Variants in DENND5B observed in about 807,000 individuals in gnomAD.
DENND5B encodes the protein DENN domain containing 5B.
Under a neutral mutation model 140.6 loss-of-function variants are expected in DENND5B, and 34 were observed. The ratio of observed to expected loss-of-function variants is 0.24; its 90% CI spans 0.18 to 0.32. The LOEUF is 0.32. DENND5B is among the 10% of genes least tolerant of loss of function. DENND5B has a pLI of 1.00. For synonymous variants in DENND5B, 551 were observed against 562.1 expected, an observed-to-expected ratio of 0.98 and a Z score of 0.28; for missense variants, 1,142 against 1,560.2, an observed-to-expected ratio of 0.73 and a Z score of 4.52.
chr12:31,501,108 C>T (rs1446904015), intron 1 of DENND5B, among the ~76,000 whole-genome samples: 7 of 152,180 alleles, frequency 4.6e-5, no homozygotes, highest in Non-Finnish European at 1.0e-4. Flanking sequence ...TATGTCCTCA[C>T]CCAAATCTCA....
intron 8 of DENND5B, among the ~76,000 whole-genome samples, chr12:31,427,562 CG>C (rs1240169757): frequency 1.3e-5 from 2 of 150,168 alleles, no homozygotes; most frequent in African/African-American, 4.9e-5. Context: ...GTGGAGATGG[CG>C]TCACTGCACT....
chr12:31,401,022 T>C (rs930381894), intron 15 of DENND5B, among the ~76,000 whole-genome samples: 6 of 152,048 alleles, frequency 3.9e-5, no homozygotes, highest in African/African-American at 1.4e-4. Flanking sequence ...TTTGTGTTTT[T>C]AGTAGAGAGG....
At chr12:31,525,949 C>T (rs1173132352) in intron 1 of DENND5B, among the ~76,000 whole-genome samples, 1 of 152,164 alleles carries the variant, frequency 6.6e-6, no homozygotes, top group African/African-American at 2.4e-5. Context: ...GCTGAGATTG[C>T]ACCATTGCAC....
At chr12:31,408,512 A>T (rs1280780497) in intron 14 of DENND5B, among the ~76,000 whole-genome samples, 3 of 149,554 alleles carry the variant, frequency 2.0e-5, no homozygotes, top group Admixed American at 1.4e-4. Flanking sequence ...CTGTAATTCC[A>T]GCTACTCAGG....
At chr12:31,514,252 C>CA (rs1947533540) in intron 1 of DENND5B, among the ~76,000 whole-genome samples, 1 of 152,146 alleles carries the variant, frequency 6.6e-6, no homozygotes, top group African/African-American at 2.4e-5. Context: ...ATAAGAGCAA[C>CA]AGGCTGTATC....
At chr12:31,469,201 G>GC (rs1425262221) in intron 3 of DENND5B, among the ~76,000 whole-genome samples, 2 of 151,910 alleles carry the variant, frequency 1.3e-5, no homozygotes, top group Non-Finnish European at 2.9e-5. Flanking sequence ...AGCTGTGGTG[G>GC]CATGTGCCTG....
chr12:31,432,143 TC>T, intron 8 of DENND5B: 1 of 984,342 alleles, frequency 1.0e-6, no homozygotes, highest in Non-Finnish European at 1.2e-6. Context: ...GACCAAAAGT[TC>T]CCCGGAAGGC....
intron 6 of DENND5B, among the ~76,000 whole-genome samples, chr12:31,446,908 A>G (rs1944301352): frequency 6.6e-6 from 1 of 151,388 alleles, no homozygotes; most frequent in African/African-American, 2.4e-5. Flanking sequence ...AAAGAAAAAG[A>G]AAAAGAAAAA....
At chr12:31,416,474 A>G (rs1361376096) in intron 11 of DENND5B, among the ~76,000 whole-genome samples, 1 of 151,396 alleles carries the variant, frequency 6.6e-6, no homozygotes, top group Non-Finnish European at 1.5e-5. Flanking sequence ...CATGTTGGCC[A>G]GCTGGTCTCG....
intron 1 of DENND5B, among the ~76,000 whole-genome samples, chr12:31,550,278 T>C (rs11051457): frequency 0.078 from 10,870 of 139,526 alleles, 939 homozygotes; most frequent in African/African-American, 0.22. Context: ...TGTGTTCTCA[T>C]TGTTCAATTC....
At chr12:31,554,962 AT>A (rs1255115521) in intron 1 of DENND5B, among the ~76,000 whole-genome samples, 3 of 151,162 alleles carry the variant, frequency 2.0e-5, no homozygotes, top group Admixed American at 6.6e-5. Flanking sequence ...CATTCATCTA[AT>A]TTTTTTTCAA....
chr12:31,500,544 G>A (rs1451702650), intron 1 of DENND5B: 7 of 335,464 alleles, frequency 2.1e-5, no homozygotes, highest in South Asian at 1.4e-4. Flanking sequence ...GCTGGGCATG[G>A]TGGTGGGTGC....
intron 1 of DENND5B, among the ~76,000 whole-genome samples, chr12:31,564,322 G>T (rs1949562420): frequency 6.6e-6 from 1 of 151,838 alleles, no homozygotes; most frequent in Admixed American, 6.6e-5. Context: ...AACAAAACAA[G>T]AGCAACCCAC....
intron 8 of DENND5B, among the ~76,000 whole-genome samples, chr12:31,430,102 A>C (rs1348648002): frequency 5.3e-5 from 8 of 151,604 alleles, no homozygotes; most frequent in Admixed American, 5.3e-4. Context: ...AGCTCACTGC[A>C]GCCTCCGCCT....
intron 1 of DENND5B, among the ~76,000 whole-genome samples, chr12:31,499,090 C>T (rs1485877663): frequency 1.3e-5 from 2 of 151,258 alleles, no homozygotes; most frequent in Non-Finnish European, 2.9e-5. Flanking sequence ...GGGGGAACAA[C>T]CTATACTTCT....
chr12:31,460,323 T>C lies in DENND5B; in HGVS notation c.963A>G (p.Gln321=), dbSNP rs1944957576. 1.9e-6 allele frequency: 3 copies of C among 1,613,788 alleles called. No homozygotes were observed. Among genetic ancestry groups the C allele is most frequent in the Non-Finnish European group, 1.7e-6 (2 of 1,179,878 alleles). ...GAATGGGCACATAAACATGTTGCCA[T>C]TGAAATGGGAACAAAAGTGTGGTGA... ...EGITTLLFPF[Q]WQHVYVPILP... The change falls in exon 4 of 21, where the codon CAA becomes CAG. Residue 321 remains glutamine, a synonymous_variant. Coordinates refer to ENST00000389082, the MANE Select transcript of DENND5B (RefSeq NM_144973.4).
chr12:31,461,241 C>T (rs1478996684), intron 3 of DENND5B, among the ~76,000 whole-genome samples: 5 of 152,064 alleles, frequency 3.3e-5, no homozygotes, highest in African/African-American at 7.2e-5. Flanking sequence ...TTATTTTAGC[C>T]TTTATTTTGG....
At chr12:31,425,454 T>C (rs1372687083) in intron 9 of DENND5B, among the ~76,000 whole-genome samples, 1 of 152,210 alleles carries the variant, frequency 6.6e-6, no homozygotes, top group Non-Finnish European at 1.5e-5. Context: ...TGCACTTAGG[T>C]AAAAACCAGA....
chr12:31,535,027 T>C (rs901053553), intron 1 of DENND5B: 3 of 213,200 alleles, frequency 1.4e-5, no homozygotes, highest in Non-Finnish European at 2.4e-5. Flanking sequence ...TGAGCGCAGA[T>C]TGCACCACTG....
Sources: gnomAD v4.1 joint callset for allele counts (sites outside exome capture counted in the v4.1 genomes callset) on GRCh38, gnomAD v4.1.1 for gene constraint, MANE v1.5 for transcripts, NCBI Gene and HGNC (gene_info 2026-07-23, HGNC 2026-07-21) for gene names.